Variants in OSTF1 observed in about 807,000 individuals in gnomAD.
The protein encoded by OSTF1 is osteoclast stimulating factor 1, also known as osteoclast-stimulating factor 1.
In OSTF1, 27 loss-of-function variants were observed where a neutral mutation model predicts 37.2. The ratio of observed to expected loss-of-function variants is 0.73; its 90% CI spans 0.54 to 1.00. The LOEUF (loss-of-function observed/expected upper bound fraction) is 1.00, where lower values mean the gene tolerates loss of function less well. OSTF1 is among the 50% of genes least tolerant of loss of function. The pLI, the probability that OSTF1 is intolerant of heterozygous loss-of-function variation, is 0.00. For missense variants in OSTF1, 232 were observed against 253.8 expected (o/e 0.91, Z 0.58); for synonymous variants, 82 against 89.2 (o/e 0.92, Z 0.46).
At chr9:75,127,677 A>T in intron 3 of OSTF1, 58 bp downstream of exon 3, 1 of 906,710 alleles carries the variant, frequency 1.1e-6, no homozygotes, top group Non-Finnish European at 1.7e-6. Flanking sequence ...TGTAGCTATA[A>T]CATTGTAAGT....
intron 9 of OSTF1, among the ~76,000 whole-genome samples, chr9:75,143,947 C>T (rs1017626192): frequency 6.6e-6 from 1 of 152,190 alleles, no homozygotes; most frequent in African/African-American, 2.4e-5. Flanking sequence ...AGAGTCTGCA[C>T]TGTGGCAAAT....
At chr9:75,116,065 C>A (rs1034174318) in intron 1 of OSTF1, among the ~76,000 whole-genome samples, 1 of 152,000 alleles carries the variant, frequency 6.6e-6, no homozygotes, top group Non-Finnish European at 1.5e-5. Context: ...GATTGTGCCA[C>A]TGCACTCCAG....
chr9:75,116,460 G>C (rs1352603076), intron 1 of OSTF1, among the ~76,000 whole-genome samples: 2 of 152,164 alleles, frequency 1.3e-5, no homozygotes, highest in East Asian at 3.8e-4. Flanking sequence ...AGTGATTATA[G>C]TCCGGAGTGT....
chr9:75,090,487 A>G (rs1330284001), intron 1 of OSTF1, among the ~76,000 whole-genome samples: 1 of 152,178 alleles, frequency 6.6e-6, no homozygotes, highest in Non-Finnish European at 1.5e-5. Context: ...TTTGCATTTT[A>G]TTTTATTTTA....
intron 7 of OSTF1, among the ~76,000 whole-genome samples, chr9:75,136,965 T>C (rs1587475131): frequency 1.3e-5 from 2 of 152,172 alleles, no homozygotes; most frequent in Non-Finnish European, 2.9e-5. Flanking sequence ...TACTGTTCAG[T>C]CTGTAGGTTT....
At chr9:75,111,610 A>T (rs1289987331) in intron 1 of OSTF1, among the ~76,000 whole-genome samples, 1 of 152,090 alleles carries the variant, frequency 6.6e-6, no homozygotes, top group Non-Finnish European at 1.5e-5. Context: ...GTTGAATTCC[A>T]GGGTAATTTC....
At chr9:75,094,488 A>G (rs1487367753) in intron 1 of OSTF1, among the ~76,000 whole-genome samples, 1 of 151,776 alleles carries the variant, frequency 6.6e-6, no homozygotes, top group Non-Finnish European at 1.5e-5. Context: ...TCTGATAAGC[A>G]TTCCTCCCTT....
intron 9 of OSTF1, among the ~76,000 whole-genome samples, chr9:75,142,716 C>A (rs889002371): frequency 6.6e-6 from 1 of 152,090 alleles, no homozygotes; most frequent in African/African-American, 2.4e-5. Flanking sequence ...GTAATAGATT[C>A]ATTAATGAGG....
intron 8 of OSTF1, among the ~76,000 whole-genome samples, chr9:75,139,499 G>C (rs953073049): frequency 6.6e-6 from 1 of 152,106 alleles, no homozygotes; most frequent in African/African-American, 2.4e-5. Context: ...CGCAATCTTG[G>C]CTCATTGCAG....
At chr9:75,100,326 A>G (rs1262392924) in intron 1 of OSTF1, among the ~76,000 whole-genome samples, 1 of 152,226 alleles carries the variant, frequency 6.6e-6, no homozygotes, top group Non-Finnish European at 1.5e-5. Flanking sequence ...AAGTTTAAGA[A>G]AAGATTCCAT....
chr9:75,088,834 G>T (rs1319804871), intron 1 of OSTF1, 108 bp downstream of exon 1: 1 of 1,125,570 alleles, frequency 8.9e-7, no homozygotes, highest in African/African-American at 1.6e-5. Context: ...CCCCGAGCCT[G>T]GCTTCCGAGA....
At chr9:75,091,365 G>A (rs1266389737) in intron 1 of OSTF1, among the ~76,000 whole-genome samples, 1 of 152,050 alleles carries the variant, frequency 6.6e-6, no homozygotes, top group African/African-American at 2.4e-5. Flanking sequence ...CCTGGCCAAA[G>A]TCTGCACTCT....
rs1312962373 is a variant in OSTF1 at position 75,128,383 on chromosome 9, TA to T, written c.132+765del. Among the ~76,000 whole-genome samples the T allele has an allele frequency of 1.1e-4, 10 of 91,596 alleles. 1 individual carries two copies. The highest frequency in any genetic ancestry group is 3.8e-4 in the African/African-American group (8 of 21,310). The allele number at this position is 91,596 out of a possible 152,430, so 60.1% of individuals were successfully genotyped here. ...AAAGACATATATATATATATATATATATATATATATATATATATATATATTT... is the reference window on the plus strand; with the variant it reads ...AAAGACATATATATATATATATATATTATATATATATATATATATATATTT... On this transcript the variant is annotated intron_variant, in intron 3 of 9. Coordinates refer to ENST00000346234, the MANE Select transcript of OSTF1 (RefSeq NM_012383.5).
chr9:75,124,054 AG>A (rs977823179), intron 2 of OSTF1, among the ~76,000 whole-genome samples: 5 of 152,224 alleles, frequency 3.3e-5, no homozygotes, highest in Admixed American at 3.3e-4. Context: ...AGACATTAAG[AG>A]TTTTGACTAT....
At chr9:75,109,492 A>G (rs1473329740) in intron 1 of OSTF1, among the ~76,000 whole-genome samples, 2 of 152,160 alleles carry the variant, frequency 1.3e-5, no homozygotes, top group Admixed American at 1.3e-4. Flanking sequence ...ATTTCACAAA[A>G]CTGTAATTTC....
intron 1 of OSTF1, among the ~76,000 whole-genome samples, chr9:75,091,246 C>T (rs767965080): frequency 4.0e-5 from 6 of 151,732 alleles, no homozygotes; most frequent in African/African-American, 1.5e-4. Context: ...CCACCATGCC[C>T]GGCTAATTTT....
intron 1 of OSTF1, among the ~76,000 whole-genome samples, chr9:75,102,861 C>T (rs1825217877): frequency 6.6e-6 from 1 of 152,238 alleles, no homozygotes. Flanking sequence ...AGCCTCCTCA[C>T]TGTGTTAATT....
At chr9:75,095,597 G>C (rs76750938) in intron 1 of OSTF1, among the ~76,000 whole-genome samples, 2,396 of 152,282 alleles carry the variant, frequency 0.016, 22 homozygotes, top group Non-Finnish European at 0.024. Context: ...CTAAATAAGG[G>C]CTAAGCTTCT....
At chr9:75,111,106 C>A (rs549943015) in intron 1 of OSTF1, among the ~76,000 whole-genome samples, 1 of 152,116 alleles carries the variant, frequency 6.6e-6, no homozygotes, top group Non-Finnish European at 1.5e-5. Flanking sequence ...ATTAGAAATT[C>A]TTTGCTCAAA....
Sources: gnomAD v4.1 joint callset for allele counts (sites outside exome capture counted in the v4.1 genomes callset) on GRCh38, gnomAD v4.1.1 for gene constraint, MANE v1.5 for transcripts, NCBI Gene and HGNC (gene_info 2026-07-23, HGNC 2026-07-21) for gene names.